Variants in CLIC5 observed in about 807,000 individuals in gnomAD.
CLIC5 encodes the protein CLIC family member 5, also known as chloride intracellular channel protein 5.
CLIC5 carries 20 observed loss-of-function variants against 24.7 expected under a neutral mutation model. That is an observed-to-expected ratio of 0.81 (90% confidence interval 0.57 to 1.18). The LOEUF (loss-of-function observed/expected upper bound fraction) is 1.18, where lower values mean the gene tolerates loss of function less well. Among genes scored for constraint, CLIC5 ranks in the 50% most tolerant of loss-of-function variants. The pLI, the probability that CLIC5 is intolerant of heterozygous loss-of-function variation, is 0.00. For synonymous variants in CLIC5, 159 were observed against 135.6 expected (o/e 1.17, Z -1.20); for missense variants, 341 against 326.1 (o/e 1.05, Z -0.35).
the CLIC5 span, among the ~76,000 whole-genome samples, chr6:46,111,988 G>A: frequency 1.2e-5 from 1 of 80,248 alleles, no homozygotes; most frequent in African/African-American, 4.2e-5. Flanking sequence ...ACGTGGAATT[G>A]TGGGTCAATA....
intron 4 of CLIC5, among the ~76,000 whole-genome samples, chr6:45,936,196 C>CTTTTTTTT (rs60969238): frequency 1.7e-4 from 14 of 80,238 alleles, no homozygotes; most frequent in Non-Finnish European, 2.3e-4. Flanking sequence ...CAACGGCTGA[C>CTTTTTTTT]TTTTTTTTTT....
At chr6:45,988,835 C>A (rs1011823601) in intron 1 of CLIC5, among the ~76,000 whole-genome samples, 1 of 152,180 alleles carries the variant, frequency 6.6e-6, no homozygotes, top group African/African-American at 2.4e-5. Flanking sequence ...CAGGTCAAGA[C>A]AAATGGGGTT....
At chr6:46,096,349 A>G in the CLIC5 span, among the ~76,000 whole-genome samples, 1 of 152,238 alleles carries the variant, frequency 6.6e-6, no homozygotes, top group East Asian at 1.9e-4. Context: ...CCAGGAGTCT[A>G]TTGACTAGCA....
intron 1 of CLIC5, among the ~76,000 whole-genome samples, chr6:45,960,236 A>T (rs1315105878): frequency 6.6e-6 from 1 of 152,192 alleles, no homozygotes; most frequent in Non-Finnish European, 1.5e-5. Flanking sequence ...GCGGGTACCC[A>T]AGTCCAGAAG....
intron 1 of CLIC5, among the ~76,000 whole-genome samples, chr6:45,997,398 A>C (rs1162733565): frequency 1.3e-5 from 2 of 149,628 alleles, no homozygotes; most frequent in Non-Finnish European, 3.0e-5. Context: ...AGATATACCT[A>C]ATGCTAGATG....
chr6:46,075,687 T>A (rs1762747848), intron 1 of CLIC5, among the ~76,000 whole-genome samples: 1 of 152,256 alleles, frequency 6.6e-6, no homozygotes, highest in South Asian at 2.1e-4. Flanking sequence ...TGTACCATTT[T>A]CTTTTGCAAT....
chr6:46,081,915 C>A (rs1160389196), upstream of CLIC5, among the ~76,000 whole-genome samples: 1 of 152,178 alleles, frequency 6.6e-6, no homozygotes, highest in East Asian at 1.9e-4. Context: ...CTGTCCCTTC[C>A]CTGCTCCCAA....
chr6:45,886,340 C>T (rs766091914), intron 6 of CLIC5, among the ~76,000 whole-genome samples: 2 of 152,188 alleles, frequency 1.3e-5, no homozygotes, highest in Middle Eastern at 3.2e-3. Flanking sequence ...AATCCTCCAC[C>T]GTCGGGTGTG....
rs1762506025 is a variant in CLIC5, at chr6:45,901,312, A to G, written c.*1776T>C. On this transcript the variant is annotated 3_prime_UTR_variant, in exon 6 of 6. Transcript: ENST00000339561. ...CTTTTCAAAGCTTTCTCAGGCTTAT[A>G]AAGTGTCCTACTGAGAAAGTTCCTC... is the stretch of plus-strand genomic sequence containing the variant. 6.6e-6 allele frequency: 1 copy of G among 152,152 alleles called. No individual in the cohort carries two copies. The highest frequency in any genetic ancestry group is 1.5e-5 in the Non-Finnish European group (1 of 68,008). The allele number at this position is 152,152 out of a possible 1,614,324, so 9.4% of individuals were successfully genotyped here.
chr6:45,941,021 G>A (rs1234812354), intron 4 of CLIC5, among the ~76,000 whole-genome samples: 2 of 152,202 alleles, frequency 1.3e-5, no homozygotes, highest in African/African-American at 4.8e-5. Flanking sequence ...CAGGCTTTGA[G>A]GAGTGGCTTT....
intron 6 of CLIC5, among the ~76,000 whole-genome samples, chr6:45,891,423 G>T (rs1413530867): frequency 6.6e-6 from 1 of 152,116 alleles, no homozygotes; most frequent in Admixed American, 6.6e-5. Flanking sequence ...GGATCATGAG[G>T]TCAAGAGATC....
intron 1 of CLIC5, among the ~76,000 whole-genome samples, chr6:46,041,032 C>T (rs940113319): frequency 6.6e-6 from 1 of 152,030 alleles, no homozygotes; most frequent in South Asian, 2.1e-4. Flanking sequence ...ACAAAAGCCT[C>T]AGCAATAGGG....
intron 4 of CLIC5, among the ~76,000 whole-genome samples, chr6:45,933,637 G>A (rs547188007): frequency 6.6e-6 from 1 of 152,324 alleles, no homozygotes; most frequent in African/African-American, 2.4e-5. Context: ...AAGAGAACTA[G>A]GTGCAGCCTT....
upstream of CLIC5, among the ~76,000 whole-genome samples, chr6:46,084,417 G>T (rs1390008257): frequency 2.6e-5 from 4 of 152,210 alleles, no homozygotes; most frequent in Non-Finnish European, 5.9e-5. Context: ...GGTAGCAGTT[G>T]TTCCTTTCCA....
chr6:46,122,984 C>G, the CLIC5 span: 1 of 152,194 alleles, frequency 6.6e-6, no homozygotes, highest in African/African-American at 2.4e-5. Flanking sequence ...AGACTGACAG[C>G]CGAATTCTAC....
intron 6 of CLIC5, among the ~76,000 whole-genome samples, chr6:45,887,282 T>TG (rs1307387066): frequency 2.6e-5 from 4 of 152,184 alleles, no homozygotes; most frequent in Non-Finnish European, 5.9e-5. Flanking sequence ...AAGGTGTTGG[T>TG]GGGGTTACAC....
chr6:46,067,411 C>A (rs1371845280), intron 1 of CLIC5, among the ~76,000 whole-genome samples: 3 of 152,202 alleles, frequency 2.0e-5, no homozygotes, highest in African/African-American at 7.2e-5. Context: ...CTGATATTCT[C>A]TCCCGCAGGG....
chr6:46,048,808 C>T (rs1330039138), intron 1 of CLIC5, among the ~76,000 whole-genome samples: 1 of 152,162 alleles, frequency 6.6e-6, no homozygotes, highest in Non-Finnish European at 1.5e-5. Flanking sequence ...GGGCCAAGAG[C>T]CTGCAGTGTC....
chr6:46,005,997 T>TAA (rs1161977235), intron 1 of CLIC5, among the ~76,000 whole-genome samples: 1 of 118,594 alleles, frequency 8.4e-6, no homozygotes, highest in African/African-American at 3.2e-5. Flanking sequence ...TATATATATA[T>TAA]ATTTATATAT....
Sources: gnomAD v4.1 joint callset for allele counts (sites outside exome capture counted in the v4.1 genomes callset) on GRCh38, gnomAD v4.1.1 for gene constraint, MANE v1.5 for transcripts, NCBI Gene and HGNC (gene_info 2026-07-23, HGNC 2026-07-21) for gene names.